The following ATXN7L1 variants were observed in gnomAD, a reference collection of about 807,000 sequenced individuals.
ATXN7L1 encodes ataxin 7 like 1.
Under a neutral mutation model 70.8 loss-of-function variants are expected in ATXN7L1, and 15 were observed. That is an observed-to-expected ratio of 0.21 (90% CI 0.14 to 0.33). ATXN7L1 has a LOEUF of 0.33. ATXN7L1 is among the 10% of genes least tolerant of loss of function. The pLI is 1.00. For missense variants in ATXN7L1, 975 were observed against 1,097.1 expected, an observed-to-expected ratio of 0.89 and a Z score of 1.57; for synonymous variants, 440 against 445.1, an observed-to-expected ratio of 0.99 and a Z score of 0.14.
At chr7:105,798,071 A>C (rs1198662365) in intron 2 of ATXN7L1, among the ~76,000 whole-genome samples, 1 of 152,238 alleles carries the variant, frequency 6.6e-6, no homozygotes, top group East Asian at 1.9e-4. Flanking sequence ...CTGCTATCTA[A>C]GATTACGAGG....
At chr7:105,857,243 A>T (rs951963782) in intron 2 of ATXN7L1, among the ~76,000 whole-genome samples, 1 of 152,212 alleles carries the variant, frequency 6.6e-6, no homozygotes, top group East Asian at 1.9e-4. Flanking sequence ...CCCATGTAAA[A>T]CCACAAACCA....
chr7:105,847,918 T>C (rs981062355), intron 2 of ATXN7L1, among the ~76,000 whole-genome samples: 8 of 152,236 alleles, frequency 5.3e-5, no homozygotes, highest in Admixed American at 2.0e-4. Context: ...AAATTTCTAT[T>C]TTCCTAGCTA....
chr7:105,730,175 T>G (rs1796371633), intron 3 of ATXN7L1, among the ~76,000 whole-genome samples: 1 of 152,110 alleles, frequency 6.6e-6, no homozygotes, highest in Non-Finnish European at 1.5e-5. Context: ...CCTCAAACAC[T>G]ACCTCAGTCA....
rs539768324 is a variant in ATXN7L1 at position 105,767,991 on chromosome 7, G to A, written c.355+20613C>T. 2.1e-3 allele frequency among the ~76,000 whole-genome samples: 316 copies of A among 152,296 alleles called. 1 individual carries two copies. Among genetic ancestry groups the A allele is most frequent in the African/African-American group, 7.1e-3 (294 of 41,562 alleles). On this transcript the variant is annotated intron_variant, in intron 3 of 11. Coordinates refer to ENST00000419735, the MANE Select transcript of ATXN7L1 (RefSeq NM_020725.2). The stretch of plus-strand genomic sequence containing the variant: ...CTAAATTCAGGCCAGACGTCTAAAC[G>A]TTTGTTTTGTGCTTGTTTTGAACAT...
intron 2 of ATXN7L1, among the ~76,000 whole-genome samples, chr7:105,841,575 C>T (rs1446864511): frequency 7.2e-5 from 11 of 152,126 alleles, no homozygotes; most frequent in Admixed American, 7.2e-4. Context: ...TCTATTCCAC[C>T]TGCCTATCAG....
At chr7:105,740,485 C>T (rs1402701571) in intron 3 of ATXN7L1, among the ~76,000 whole-genome samples, 1 of 152,160 alleles carries the variant, frequency 6.6e-6, no homozygotes, top group African/African-American at 2.4e-5. Context: ...GGAAAGCACT[C>T]ACAAAATACC....
At chr7:105,871,528 ATGG>A (rs1390638633) in intron 2 of ATXN7L1, among the ~76,000 whole-genome samples, 1 of 152,182 alleles carries the variant, frequency 6.6e-6, no homozygotes, top group Non-Finnish European at 1.5e-5. Context: ...CCTGGCTAAC[ATGG>A]TGAAACCCAT....
intron 3 of ATXN7L1, among the ~76,000 whole-genome samples, chr7:105,763,937 T>C (rs946230859): frequency 6.6e-6 from 1 of 152,078 alleles, no homozygotes; most frequent in Non-Finnish European, 1.5e-5. Flanking sequence ...CACTGCAACC[T>C]CCGCCTCTCG....
chr7:105,671,418 A>C lies in ATXN7L1; in HGVS notation c.356-6130T>G, dbSNP rs180940858. Among the ~76,000 whole-genome samples, 74 of 152,312 alleles carry C rather than the reference A, an allele frequency of 4.9e-4. 2 individuals are homozygous for C. In the East Asian group the frequency reaches 0.012, roughly 25 times the overall value. On this transcript the variant is annotated intron_variant, in intron 3 of 11. Transcript: ENST00000419735. ...GACCGTGTAACAGAAAGACCAAACC[A>C]ATCTACTGTGCTAATATTGAATATA...
chr7:105,868,750 ATAAG>A (rs1281118950), intron 2 of ATXN7L1, among the ~76,000 whole-genome samples: 2 of 152,226 alleles, frequency 1.3e-5, no homozygotes, highest in African/African-American at 4.8e-5. Context: ...ATTAAAAAAA[ATAAG>A]TAGTTTTAAA....
At chr7:105,870,767 T>C (rs1818142482) in intron 2 of ATXN7L1, among the ~76,000 whole-genome samples, 1 of 152,160 alleles carries the variant, frequency 6.6e-6, no homozygotes, top group Admixed American at 6.5e-5. Context: ...TCCTTGGAAT[T>C]TTCTCTCATA....
chr7:105,645,462 G>T (rs1206922938), intron 4 of ATXN7L1, among the ~76,000 whole-genome samples: 1 of 151,798 alleles, frequency 6.6e-6, no homozygotes, highest in African/African-American at 2.4e-5. Flanking sequence ...AGGAGTTCAA[G>T]AGCAGCCTGG....
At chr7:105,848,562 A>T (rs1024658927) in intron 2 of ATXN7L1, among the ~76,000 whole-genome samples, 3 of 152,232 alleles carry the variant, frequency 2.0e-5, no homozygotes, top group Admixed American at 6.5e-5. Context: ...AATAACTAGG[A>T]AAGGTACTCA....
chr7:105,782,987 T>C (rs560059490), intron 3 of ATXN7L1, among the ~76,000 whole-genome samples: 2 of 152,346 alleles, frequency 1.3e-5, no homozygotes, highest in South Asian at 4.1e-4. Context: ...AGCCACAATT[T>C]ATTGACAATC....
At chr7:105,786,507 G>A (rs1267653171) in intron 3 of ATXN7L1, among the ~76,000 whole-genome samples, 1 of 152,016 alleles carries the variant, frequency 6.6e-6, no homozygotes, top group Non-Finnish European at 1.5e-5. Flanking sequence ...AGATTTTTTG[G>A]GTTTCGTTTT....
chr7:105,653,612 C>A (rs80341139), intron 4 of ATXN7L1, among the ~76,000 whole-genome samples: 2,660 of 152,304 alleles, frequency 0.017, 80 homozygotes, highest in African/African-American at 0.061. Flanking sequence ...CGCTTGCAAC[C>A]TTTCTGGCTT....
chr7:105,864,562 C>G (rs1817121231), intron 2 of ATXN7L1, among the ~76,000 whole-genome samples: 1 of 151,604 alleles, frequency 6.6e-6, no homozygotes, highest in Admixed American at 6.6e-5. Flanking sequence ...CACGAAGTAC[C>G]CTACAGGACA....
intron 2 of ATXN7L1, among the ~76,000 whole-genome samples, chr7:105,822,933 T>C (rs1286848197): frequency 6.6e-6 from 1 of 152,222 alleles, no homozygotes; most frequent in East Asian, 1.9e-4. Context: ...ATTAGACTAG[T>C]ATGCGCATGT....
At chr7:105,633,894 A>T (rs530124671) in intron 7 of ATXN7L1, among the ~76,000 whole-genome samples, 74 of 152,208 alleles carry the variant, frequency 4.9e-4, no homozygotes, top group Non-Finnish European at 8.8e-4. Context: ...CTGTGGGAGC[A>T]AAGGGAGAAA....
Sources: gnomAD v4.1 joint callset for allele counts (sites outside exome capture counted in the v4.1 genomes callset) on GRCh38, gnomAD v4.1.1 for gene constraint, MANE v1.5 for transcripts, NCBI Gene and HGNC (gene_info 2026-07-23, HGNC 2026-07-21) for gene names.